Variants in CCSER1 observed in about 807,000 individuals in gnomAD.
CCSER1 encodes the protein serine-rich coiled-coil domain-containing protein 1.
Under a neutral mutation model 82.0 loss-of-function variants are expected in CCSER1, and 41 were observed. The observed-to-expected ratio is 0.50, with a 90% CI of 0.39 to 0.65. The LOEUF (loss-of-function observed/expected upper bound fraction) is 0.65. Among genes scored for constraint, CCSER1 ranks in the 30% least tolerant of loss-of-function variants. The pLI, the probability that CCSER1 is intolerant of heterozygous loss-of-function variation, is 0.00. For synonymous variants in CCSER1, 414 were observed against 383.9 expected (o/e 1.08, Z -0.92); for missense variants, 1,119 against 1,064.2 (o/e 1.05, Z -0.72).
intron 1 of CCSER1, among the ~76,000 whole-genome samples, chr4:90,250,618 G>C (rs1722217376): frequency 6.6e-6 from 1 of 151,956 alleles, no homozygotes; most frequent in East Asian, 1.9e-4. Flanking sequence ...ACTGTAGTTT[G>C]GTAGTAAGTT....
chr4:90,736,240 T>C (rs1459060955), intron 7 of CCSER1, among the ~76,000 whole-genome samples: 1 of 152,160 alleles, frequency 6.6e-6, no homozygotes, highest in Non-Finnish European at 1.5e-5. Context: ...GTTGTCCAGA[T>C]TAAGTCCAAT....
At chr4:90,340,131 G>A (rs906810023) in intron 3 of CCSER1, among the ~76,000 whole-genome samples, 10 of 152,048 alleles carry the variant, frequency 6.6e-5, no homozygotes, top group African/African-American at 1.2e-4. Flanking sequence ...GTTTTCTGCC[G>A]TTGGAATAGG....
chr4:90,967,234 G>C (rs1397442844), intron 9 of CCSER1, among the ~76,000 whole-genome samples: 2 of 151,920 alleles, frequency 1.3e-5, no homozygotes. Flanking sequence ...GATCAGCTGA[G>C]GTGAGGAATT....
chr4:91,370,773 G>A (rs902596160), intron 10 of CCSER1, among the ~76,000 whole-genome samples: 1 of 152,016 alleles, frequency 6.6e-6, no homozygotes, highest in African/African-American at 2.4e-5. Context: ...GAGATATTTT[G>A]ACAGAGACAT....
intron 10 of CCSER1, among the ~76,000 whole-genome samples, chr4:91,294,185 A>C (rs189117085): frequency 7.6e-4 from 116 of 152,052 alleles, no homozygotes; most frequent in South Asian, 1.2e-3. Flanking sequence ...TGCTGCATTT[A>C]GTTGAATTTT....
intron 3 of CCSER1, among the ~76,000 whole-genome samples, chr4:90,388,963 G>A (rs1750532671): frequency 6.6e-6 from 1 of 152,120 alleles, no homozygotes; most frequent in Non-Finnish European, 1.5e-5. Flanking sequence ...TTATAAATTA[G>A]TAAGATGTTT....
At position 91,353,450 on chromosome 4, in the gene CCSER1, G is replaced by C. The variant is rs545846155; in HGVS notation, c.2218-245122G>C. Among the ~76,000 whole-genome samples, 7 of 152,320 alleles carry C rather than the reference G, an allele frequency of 4.6e-5. No homozygotes were observed. In the South Asian group the frequency reaches 1.5e-3, roughly 32 times the overall value. On this transcript the variant is annotated intron_variant, in intron 10 of 10. Coordinates refer to ENST00000509176, the MANE Select transcript of CCSER1 (RefSeq NM_001145065.2). ...AGTTATGAGTTGATTTTTAACTACT[G>C]GGTTTAGGCCAGGCAGGCCCAGGCC...
chr4:91,317,458 C>T (rs546040845), intron 10 of CCSER1, among the ~76,000 whole-genome samples: 2 of 152,084 alleles, frequency 1.3e-5, no homozygotes, highest in South Asian at 4.1e-4. Flanking sequence ...TTTCACCTTG[C>T]CCCACTCTTC....
chr4:90,698,459 A>G (rs1371025806), intron 6 of CCSER1, among the ~76,000 whole-genome samples: 1 of 152,214 alleles, frequency 6.6e-6, no homozygotes, highest in Non-Finnish European at 1.5e-5. Flanking sequence ...TCTGTAGTGC[A>G]ATATAGAGAT....
At chr4:91,412,501 G>A (rs1399160161) in intron 10 of CCSER1, among the ~76,000 whole-genome samples, 1 of 148,290 alleles carries the variant, frequency 6.7e-6, no homozygotes, top group Non-Finnish European at 1.5e-5. Flanking sequence ...ATGAAAGCAG[G>A]TATTCATCCT....
At chr4:91,115,413 A>G (rs1726467900) in intron 10 of CCSER1, among the ~76,000 whole-genome samples, 1 of 151,488 alleles carries the variant, frequency 6.6e-6, no homozygotes, top group Admixed American at 6.6e-5. Context: ...CGCAACCTCC[A>G]TCTCCCACAT....
At chr4:91,349,449 A>G (rs114719721) in intron 10 of CCSER1, among the ~76,000 whole-genome samples, 1,718 of 152,188 alleles carry the variant, frequency 0.011, 22 homozygotes, top group South Asian at 0.032. Flanking sequence ...AGAAAGGCAA[A>G]TGGTCTAAAG....
chr4:90,127,897 G>C (rs889486812), intron 1 of CCSER1, 66 bp downstream of exon 1: 1 of 152,060 alleles, frequency 6.6e-6, no homozygotes, highest in Non-Finnish European at 1.5e-5. Flanking sequence ...TTGCGGGGCC[G>C]GCCGCAGGCG....
chr4:90,782,551 T>C (rs958578003), intron 7 of CCSER1, among the ~76,000 whole-genome samples: 1 of 152,108 alleles, frequency 6.6e-6, no homozygotes, highest in Admixed American at 6.6e-5. Flanking sequence ...ATAAAGGCAG[T>C]GGCAATGGGA....
intron 10 of CCSER1, among the ~76,000 whole-genome samples, chr4:91,484,055 T>A (rs1349833488): frequency 3.9e-4 from 51 of 130,942 alleles, no homozygotes; most frequent in Admixed American, 5.5e-4. Flanking sequence ...GCCTATTCTC[T>A]AAAAAAAAAA....
At chr4:90,230,139 A>G (rs904952286) in intron 1 of CCSER1, among the ~76,000 whole-genome samples, 4 of 152,172 alleles carry the variant, frequency 2.6e-5, no homozygotes, top group Admixed American at 2.6e-4. Flanking sequence ...CATCTACAGA[A>G]CTCTCCACCC....
chr4:90,492,708 G>A (rs1286140531), intron 5 of CCSER1, among the ~76,000 whole-genome samples: 1 of 152,170 alleles, frequency 6.6e-6, no homozygotes, highest in Non-Finnish European at 1.5e-5. Context: ...CAGAGATTCT[G>A]ATATGTTGAG....
At chr4:91,231,706 G>T (rs12510006) in intron 10 of CCSER1, among the ~76,000 whole-genome samples, 2 of 151,572 alleles carry the variant, frequency 1.3e-5, no homozygotes, top group African/African-American at 2.4e-5. Flanking sequence ...ATAAAGTTAC[G>T]TATATTTATG....
intron 7 of CCSER1, among the ~76,000 whole-genome samples, chr4:90,779,103 T>G (rs547360631): frequency 6.6e-6 from 1 of 152,340 alleles, no homozygotes; most frequent in African/African-American, 2.4e-5. Context: ...AAAAACCCTT[T>G]ACTGCTTCAT....
Sources: gnomAD v4.1 joint callset for allele counts (sites outside exome capture counted in the v4.1 genomes callset) on GRCh38, gnomAD v4.1.1 for gene constraint, MANE v1.5 for transcripts, NCBI Gene and HGNC (gene_info 2026-07-23, HGNC 2026-07-21) for gene names.